SMG7: variants seen among roughly 807,000 people sequenced by gnomAD.
SMG7 encodes SMG7 nonsense mediated mRNA decay factor, also known as nonsense-mediated mRNA decay factor SMG7.
A neutral mutation model predicts 148.2 loss-of-function variants in SMG7; 34 were observed. The ratio of observed to expected loss-of-function variants is 0.23; its 90% CI spans 0.17 to 0.31. SMG7 has a LOEUF of 0.31. Among genes scored for constraint, SMG7 ranks in the 10% least tolerant of loss-of-function variants. The pLI is 1.00. For missense variants in SMG7, 1,114 were observed against 1,408.4 expected (o/e 0.79, Z 3.35); for synonymous variants, 492 against 515.1 (o/e 0.96, Z 0.61).
At chr1:183,502,951 G>A (rs919415830) in intron 1 of SMG7, among the ~76,000 whole-genome samples, 12 of 152,216 alleles carry the variant, frequency 7.9e-5, no homozygotes, top group African/African-American at 2.9e-4. Flanking sequence ...TGATCTCAAA[G>A]ATGCAGCTTT....
intron 1 of SMG7, among the ~76,000 whole-genome samples, chr1:183,483,242 A>G (rs1654611032): frequency 6.6e-6 from 1 of 152,120 alleles, no homozygotes; most frequent in Non-Finnish European, 1.5e-5. Flanking sequence ...TCTCCTTCCC[A>G]AAGACATATA....
intron 1 of SMG7, among the ~76,000 whole-genome samples, chr1:183,490,816 C>T (rs906020382): frequency 6.6e-6 from 1 of 152,196 alleles, no homozygotes; most frequent in Non-Finnish European, 1.5e-5. Flanking sequence ...GATGGAGTCT[C>T]ACTCTGTCGC....
At chr1:183,540,672 AT>A (rs1668660825) in intron 12 of SMG7, among the ~76,000 whole-genome samples, 1 of 152,222 alleles carries the variant, frequency 6.6e-6, no homozygotes, top group African/African-American at 2.4e-5. Context: ...ATAAAACTTT[AT>A]TCTTAAAATG....
chr1:183,530,263 A>G (rs1224056034), intron 8 of SMG7, among the ~76,000 whole-genome samples: 6 of 152,138 alleles, frequency 3.9e-5, no homozygotes, highest in African/African-American at 1.4e-4. Flanking sequence ...GTAATTGTGT[A>G]TAACTGCTTC....
At chr1:183,485,129 A>G (rs1396438262) in intron 1 of SMG7, among the ~76,000 whole-genome samples, 1 of 152,242 alleles carries the variant, frequency 6.6e-6, no homozygotes, top group Non-Finnish European at 1.5e-5. Flanking sequence ...TTACACAGCT[A>G]GGCAAACAGG....
At position 183,528,011 on chromosome 1, in the gene SMG7, G is replaced by C; in HGVS notation, c.540G>C (p.Gln180His). ...QAESYYRHAA[Q>H]LVPSNGQPYN... ...AGTCCTACTATAGGCATGCAGCTCAGCTTGTCCCCTCCAATGGTGAGTGGA... is the reference window on the plus strand; with the variant it reads ...AGTCCTACTATAGGCATGCAGCTCACCTTGTCCCCTCCAATGGTGAGTGGA... Residue 180 changes from glutamine to histidine, a missense_variant, in exon 6 of 23, where the codon CAG becomes CAC. Physicochemically the swap from Gln to His is conservative, Grantham distance 24 (BLOSUM62 0). Coordinates refer to ENST00000688051, the MANE Select transcript of SMG7 (RefSeq NM_001375584.1). 1 of 1,612,994 alleles carries C rather than the reference G, an allele frequency of 6.2e-7. No individual in the cohort carries two copies. The highest frequency in any genetic ancestry group is 8.5e-7 in the Non-Finnish European group (1 of 1,179,290).
chr1:183,540,569 A>G (rs1173174920), intron 12 of SMG7, among the ~76,000 whole-genome samples: 2 of 152,138 alleles, frequency 1.3e-5, no homozygotes, highest in Non-Finnish European at 2.9e-5. Flanking sequence ...AAGTGGATAG[A>G]TTAATATTAT....
chr1:183,515,198 T>C (rs1316072927), intron 2 of SMG7, among the ~76,000 whole-genome samples: 2 of 152,222 alleles, frequency 1.3e-5, no homozygotes, highest in African/African-American at 2.4e-5. Context: ...CTGACCTCTT[T>C]AGCAATTTAA....
chr1:183,544,624 A>G (rs1669561707), intron 15 of SMG7, 127 bp downstream of exon 15: 3 of 997,040 alleles, frequency 3.0e-6, no homozygotes, highest in Non-Finnish European at 4.4e-6. Flanking sequence ...TTTCCCTAAT[A>G]CTTATAAAAT....
At position 183,545,264 on chromosome 1, in the gene SMG7, T is replaced by C; in HGVS notation, c.2322T>C (p.Ala774=). The C allele has an allele frequency of 6.2e-7, 1 of 1,613,302 alleles. No homozygotes were observed. Among genetic ancestry groups the C allele is most frequent in the Non-Finnish European group, 8.5e-7 (1 of 1,179,990 alleles). ...AGCAACAACAATCCCCTACAAAAGC[T>C]GTGCCGGCTTTGGGGAAAAGCCCGC... ...LTQQQQSPTK[A]VPALGKSPPH... Residue 774 remains alanine, a synonymous_variant, in exon 16 of 23, where the codon GCT becomes GCC. Coordinates refer to ENST00000688051, the MANE Select transcript of SMG7 (RefSeq NM_001375584.1).
intron 12 of SMG7, among the ~76,000 whole-genome samples, chr1:183,539,871 G>C (rs1307705682): frequency 6.6e-6 from 1 of 152,114 alleles, no homozygotes; most frequent in East Asian, 1.9e-4. Context: ...CCTACGTATA[G>C]TTCTTCTCCT....
intron 1 of SMG7, among the ~76,000 whole-genome samples, chr1:183,477,632 A>G (rs1213647893): frequency 1.6e-5 from 2 of 126,498 alleles, no homozygotes; most frequent in Non-Finnish European, 3.3e-5. Context: ...GCATATGTGT[A>G]TATATGCATA....
intron 4 of SMG7, 122 bp from the exon 5 acceptor site, chr1:183,526,474 T>C: frequency 1.6e-6 from 1 of 632,454 alleles, no homozygotes; most frequent in Non-Finnish European, 2.7e-6. Flanking sequence ...CCATATAATT[T>C]TCATGCAGTT....
At chr1:183,544,866 AT>A (rs1379634063) in intron 15 of SMG7, 63 bp from the exon 16 acceptor site, 19 of 1,537,460 alleles carry the variant, frequency 1.2e-5, no homozygotes, top group African/African-American at 2.8e-5. Flanking sequence ...TAAAAAAAAA[AT>A]GACTTTTTTT....
At chr1:183,480,656 CAAGT>C (rs1439546383) in intron 1 of SMG7, among the ~76,000 whole-genome samples, 1 of 152,132 alleles carries the variant, frequency 6.6e-6, no homozygotes, top group African/African-American at 2.4e-5. Context: ...ACTGGGCATA[CAAGT>C]AAGTACTCAA....
intron 6 of SMG7, among the ~76,000 whole-genome samples, 194 bp downstream of exon 6, chr1:183,528,221 T>C (rs1023608914): frequency 1.3e-5 from 2 of 152,126 alleles, no homozygotes; most frequent in Non-Finnish European, 2.9e-5. Flanking sequence ...TGACTTTTAT[T>C]ATTTATTTTA....
intron 4 of SMG7, among the ~76,000 whole-genome samples, chr1:183,523,642 T>G (rs1477873392): frequency 6.6e-6 from 1 of 152,230 alleles, no homozygotes. Flanking sequence ...TTCCATCTTG[T>G]TACTGCCTCT....
At chr1:183,487,593 C>T (rs1329217537) in intron 1 of SMG7, among the ~76,000 whole-genome samples, 1 of 152,222 alleles carries the variant, frequency 6.6e-6, no homozygotes, top group East Asian at 1.9e-4. Context: ...AGACACTTTG[C>T]AGAACCTTGA....
rs58000743 is a variant in SMG7, at chr1:183,508,110, G to A, written c.30-4727G>A. The A allele has an allele frequency of 2.4e-3, 2,310 of 957,204 alleles. 46 individuals are homozygous for A. In the African/African-American group the frequency reaches 0.039, roughly 16 times the overall value. 59.3% of individuals were successfully genotyped at this position (957,204 alleles called of 1,614,324 possible). ...AACATTTTAAAGTTCTTGCCTCTCTGTATGAGCATTGGCTGTAAACTTCAA... is the reference window on the plus strand; with the variant it reads ...AACATTTTAAAGTTCTTGCCTCTCTATATGAGCATTGGCTGTAAACTTCAA... On this transcript the variant is annotated intron_variant, in intron 1 of 22. Transcript: ENST00000688051.
Sources: gnomAD v4.1 joint callset for allele counts (sites outside exome capture counted in the v4.1 genomes callset) on GRCh38, gnomAD v4.1.1 for gene constraint, MANE v1.5 for transcripts, NCBI Gene and HGNC (gene_info 2026-07-23, HGNC 2026-07-21) for gene names.